Variants in TRPM3 observed in about 807,000 individuals in gnomAD.
The protein encoded by TRPM3 is long transient receptor potential channel 3.
TRPM3 carries 77 observed loss-of-function variants against 181.2 expected under a neutral mutation model. The observed-to-expected ratio is 0.42, with a 90% confidence interval of 0.35 to 0.51. The LOEUF (loss-of-function observed/expected upper bound fraction) is 0.51. TRPM3 is among the 20% of genes least tolerant of loss of function. The pLI, the probability that TRPM3 is intolerant of heterozygous loss-of-function variation, is 0.01. For synonymous variants in TRPM3, 745 were observed against 796.4 expected, an observed-to-expected ratio of 0.94 and a Z score of 1.09; for missense variants, 1,759 against 2,196.7, an observed-to-expected ratio of 0.80 and a Z score of 3.98.
At chr9:71,276,536 T>G (rs1008609487) in intron 1 of TRPM3, among the ~76,000 whole-genome samples, 1 of 151,922 alleles carries the variant, frequency 6.6e-6, no homozygotes, top group Non-Finnish European at 1.5e-5. Context: ...AGAGAAGAAA[T>G]AAATGACCCA....
intron 1 of TRPM3, among the ~76,000 whole-genome samples, chr9:71,160,817 G>A (rs952727888): frequency 1.3e-5 from 2 of 152,142 alleles, no homozygotes; most frequent in African/African-American, 4.8e-5. Flanking sequence ...AACTAGCACA[G>A]TGCCTGACAC....
intron 1 of TRPM3, among the ~76,000 whole-genome samples, chr9:71,208,709 C>G (rs1268876306): frequency 6.6e-6 from 1 of 152,116 alleles, no homozygotes; most frequent in African/African-American, 2.4e-5. Flanking sequence ...GTGCTATTAA[C>G]ACAAGAATGG....
rs200225723 is a variant in TRPM3 at position 71,389,973 on chromosome 9, TA to T, written c.183+56679del. On this transcript the variant is annotated intron_variant, in intron 1 of 24. Coordinates refer to the TRPM3 transcript ENST00000357533. ...CCAATAACTTATGGAAAAATAAAAT[TA>T]AAAAAAACTTATTTGGAAAATATTT... Among the ~76,000 whole-genome samples, 154 of 151,904 alleles carry T rather than the reference TA, an allele frequency of 1.0e-3. 1 individual carries two copies. The highest frequency in any genetic ancestry group is 3.4e-3 in the Middle Eastern group (1 of 294).
intron 9 of TRPM3, among the ~76,000 whole-genome samples, chr9:70,667,142 C>T (rs1328835203): frequency 1.3e-5 from 2 of 151,630 alleles, no homozygotes; most frequent in Admixed American, 6.6e-5. Flanking sequence ...AGAGGTCTTT[C>T]CTATGTGTTT....
chr9:70,876,267 A>G (rs1286590487), intron 1 of TRPM3, among the ~76,000 whole-genome samples: 1 of 150,430 alleles, frequency 6.6e-6, no homozygotes, highest in Non-Finnish European at 1.5e-5. Flanking sequence ...ATATATATAC[A>G]TATACATACA....
rs118168816 is a variant in TRPM3, at chr9:71,376,300, A to G, written c.183+70353T>C. 4.1e-3 allele frequency among the ~76,000 whole-genome samples: 617 copies of G among 152,198 alleles called. 3 individuals carry two copies. The highest frequency in any genetic ancestry group is 7.2e-3 in the Non-Finnish European group (489 of 67,954). On this transcript the variant is annotated intron_variant, in intron 1 of 24. Coordinates refer to the TRPM3 transcript ENST00000357533. ...GACTATCAGACAAGATATAACACACATTTAAGAATTTTAAGGCAAATTCTT... is the reference window on the plus strand; with the variant it reads ...GACTATCAGACAAGATATAACACACGTTTAAGAATTTTAAGGCAAATTCTT...
At chr9:70,876,862 G>A (rs569186099) in intron 1 of TRPM3, among the ~76,000 whole-genome samples, 47 of 151,866 alleles carry the variant, frequency 3.1e-4, no homozygotes, top group African/African-American at 1.1e-3. Flanking sequence ...GCAGTTTTAG[G>A]TTTACAAAAA....
intron 1 of TRPM3, among the ~76,000 whole-genome samples, chr9:71,132,616 A>G (rs1009518220): frequency 4.6e-5 from 7 of 152,208 alleles, no homozygotes; most frequent in African/African-American, 1.7e-4. Context: ...TGTTTTGTAC[A>G]TTAGGAAAAT....
chr9:71,216,529 T>C (rs2079877597), intron 1 of TRPM3, among the ~76,000 whole-genome samples: 1 of 152,206 alleles, frequency 6.6e-6, no homozygotes, highest in Non-Finnish European at 1.5e-5. Context: ...AGTACATATG[T>C]CCACAATAGC....
At chr9:71,220,686 T>A (rs1413712630) in intron 1 of TRPM3, among the ~76,000 whole-genome samples, 2 of 152,120 alleles carry the variant, frequency 1.3e-5, no homozygotes, top group African/African-American at 4.8e-5. Context: ...TAAGTCATTG[T>A]CTCCTTCTAG....
intron 1 of TRPM3, among the ~76,000 whole-genome samples, chr9:71,225,034 T>A (rs1587815): frequency 0.43 from 65,406 of 151,854 alleles, 14,449 homozygotes; most frequent in East Asian, 0.52. Flanking sequence ...AGGGGTAGAA[T>A]GTTTATGTAA....
chr9:71,134,894 GGT>G (rs1472759157), intron 1 of TRPM3, among the ~76,000 whole-genome samples: 2 of 152,112 alleles, frequency 1.3e-5, no homozygotes, highest in African/African-American at 4.8e-5. Flanking sequence ...CTGTCCACCT[GGT>G]ACTAAATCAG....
intron 6 of TRPM3, among the ~76,000 whole-genome samples, chr9:70,816,074 C>T (rs1183384680): frequency 3.3e-5 from 5 of 152,170 alleles, no homozygotes; most frequent in Admixed American, 3.3e-4. Flanking sequence ...ATAGAGCTAC[C>T]ATTTAGGTTT....
At chr9:71,106,681 C>T (rs1429962758) in intron 1 of TRPM3, among the ~76,000 whole-genome samples, 1 of 152,212 alleles carries the variant, frequency 6.6e-6, no homozygotes, top group Non-Finnish European at 1.5e-5. Context: ...CTTTGCCTAA[C>T]ATTTTATAGC....
chr9:70,932,517 T>A (rs2096785523), intron 1 of TRPM3, among the ~76,000 whole-genome samples: 2 of 152,104 alleles, frequency 1.3e-5, no homozygotes, highest in African/African-American at 4.8e-5. Context: ...ATAATTAAGG[T>A]CTGAGCTAAA....
intron 1 of TRPM3, among the ~76,000 whole-genome samples, chr9:70,896,198 C>T (rs2096276259): frequency 6.6e-6 from 1 of 152,080 alleles, no homozygotes; most frequent in African/African-American, 2.4e-5. Flanking sequence ...TTGGTGCAGG[C>T]TGTTGTTATT....
upstream of TRPM3, among the ~76,000 whole-genome samples, chr9:71,125,754 A>C (rs2073993249): frequency 6.6e-6 from 1 of 152,204 alleles, no homozygotes; most frequent in South Asian, 2.1e-4. Flanking sequence ...GTAAAACCCA[A>C]AACTATAACA....
chr9:70,677,664 T>C (rs923646484), intron 9 of TRPM3, among the ~76,000 whole-genome samples: 1 of 152,246 alleles, frequency 6.6e-6, no homozygotes, highest in African/African-American at 2.4e-5. Context: ...TCACTGAGCC[T>C]AAGCATAAAA....
intron 1 of TRPM3, among the ~76,000 whole-genome samples, chr9:70,985,283 A>AAG (rs2097407614): frequency 6.6e-6 from 1 of 152,188 alleles, no homozygotes. Flanking sequence ...TTTCTTCTTA[A>AAG]AGAGAGATGG....
Sources: gnomAD v4.1 joint callset for allele counts (sites outside exome capture counted in the v4.1 genomes callset) on GRCh38, gnomAD v4.1.1 for gene constraint, MANE v1.5 for transcripts, NCBI Gene and HGNC (gene_info 2026-07-23, HGNC 2026-07-21) for gene names.